COPE: variants seen among roughly 807,000 people sequenced by gnomAD.
COPE encodes coat protein complex I subunit epsilon, also known as coatomer subunit epsilon.
In COPE, 19 loss-of-function variants were observed where a neutral mutation model predicts 42.1. That is an observed-to-expected ratio of 0.45 (90% CI 0.31 to 0.66). COPE has a LOEUF of 0.66. Among genes scored for constraint, COPE ranks in the 30% least tolerant of loss-of-function variants. The pLI is 0.05. For synonymous variants in COPE, 195 were observed against 181.3 expected, an observed-to-expected ratio of 1.08 and a Z score of -0.60; for missense variants, 402 against 416.1, an observed-to-expected ratio of 0.97 and a Z score of 0.30.
rs372937699 is a variant in COPE at position 18,911,061 on chromosome 19, C to T, written c.200G>A (p.Gly67Asp). 3 of 1,613,870 alleles carry T rather than the reference C, an allele frequency of 1.9e-6. No homozygotes were observed. Among genetic ancestry groups the T allele is most frequent in the Non-Finnish European group, 2.5e-6 (3 of 1,180,002 alleles). ...GGGCTTGATCTCATCCAGGACCACA[C>T]CGAACTTCCTCTGCAGTAGGGACGA... ...YRAYLAQRKF[G>D]VVLDEIKPSS... The change falls in exon 3 of 10, where the codon GGT (glycine) becomes GAT (aspartate). Residue 67 changes from glycine (G) to aspartate (D), a missense_variant. Transcript: ENST00000262812.
At chr19:18,911,213 T>G in intron 2 of COPE, 142 bp from the exon 3 acceptor site, 5 of 690,496 alleles carry the variant, frequency 7.2e-6, no homozygotes, top group Non-Finnish European at 1.0e-5. Context: ...TCCACTGCAG[T>G]ACACTGTGGA....
intron 7 of COPE, 78 bp from the exon 8 acceptor site, chr19:18,900,527 C>A: frequency 1.8e-6 from 2 of 1,134,160 alleles, no homozygotes; most frequent in South Asian, 1.4e-5. Context: ...CCACCTCAGG[C>A]AGCACCACAC....
At chr19:18,908,991 G>A (rs73003090) in intron 3 of COPE, among the ~76,000 whole-genome samples, 12,625 of 152,176 alleles carry the variant, frequency 0.083, 725 homozygotes, top group Non-Finnish European at 0.13. Context: ...GAGCAAGACC[G>A]TATCTCAAGA....
chr19:18,905,409 C>A (rs2056748878), intron 5 of COPE, among the ~76,000 whole-genome samples, 167 bp downstream of exon 5: 1 of 152,136 alleles, frequency 6.6e-6, no homozygotes, highest in Admixed American at 6.5e-5. Flanking sequence ...GCCCTCCTCC[C>A]TGGCAACATA....
At chr19:18,900,791 G>A (rs1475631389) in intron 7 of COPE, among the ~76,000 whole-genome samples, 1 of 152,184 alleles carries the variant, frequency 6.6e-6, no homozygotes, top group African/African-American at 2.4e-5. Context: ...CCGAGGCCAT[G>A]GGCAGACCTG....
chr19:18,915,032 CCT>C (rs1343320876), intron 1 of COPE, among the ~76,000 whole-genome samples: 1 of 151,980 alleles, frequency 6.6e-6, no homozygotes, highest in Non-Finnish European at 1.5e-5. Flanking sequence ...GGTCTGAGAC[CCT>C]GTGTCCATAA....
Position 18,919,135 on chromosome 19 carries a change from G to GT in COPE, c.126+87dup, listed in dbSNP as rs574563623. ...AAAAAACGCGAGAAGAAAAGAGAAAGTTTTTAGACGCAGAACGCGGCTCGC... is the reference window on the plus strand; with the variant it reads ...AAAAAACGCGAGAAGAAAAGAGAAAGTTTTTTAGACGCAGAACGCGGCTCGC... On this transcript the variant is annotated intron_variant, in intron 1 of 9. Transcript: ENST00000262812. 38 of 1,453,936 alleles carry GT rather than the reference G, an allele frequency of 2.6e-5. No individual in the cohort carries two copies. The South Asian group carries it at 4.4e-4, about 17-fold the overall frequency. 90.1% of individuals were successfully genotyped at this position (1,453,936 alleles called of 1,614,324 possible).
At chr19:18,910,336 T>C (rs1429374600) in intron 3 of COPE, among the ~76,000 whole-genome samples, 1 of 152,030 alleles carries the variant, frequency 6.6e-6, no homozygotes, top group Non-Finnish European at 1.5e-5. Flanking sequence ...AGAAAACTGA[T>C]AGGATTTGGG....
intron 4 of COPE, among the ~76,000 whole-genome samples, chr19:18,906,412 G>A (rs1035284599): frequency 6.6e-6 from 1 of 152,252 alleles, no homozygotes; most frequent in African/African-American, 2.4e-5. Flanking sequence ...GATCCACAGC[G>A]ACCATGAAAT....
chr19:18,899,901 T>C lies in COPE; in HGVS notation c.851A>G (p.His284Arg). The C allele has an allele frequency of 6.2e-7, 1 of 1,613,556 alleles. No individual in the cohort carries two copies. The highest frequency in any genetic ancestry group is 8.5e-7 in the Non-Finnish European group (1 of 1,179,792). ...GGCCTGGTACTCCTTGATGAAGGGA[T>C]GGGACCTGTGGGCATCCTTCAGCTG... ...LSQLKDAHRS[H>R]PFIKEYQAKE... The change falls in exon 9 of 10, where the codon CAT becomes CGT. Residue 284 changes from histidine (H) to arginine (R), a missense_variant. His to Arg is a conservative substitution (Grantham distance 29, BLOSUM62 0). Transcript: ENST00000262812.
Position 18,899,732 on chromosome 19 carries a change from G to T in COPE, c.880-6C>A. On this transcript the variant is annotated splice_polypyrimidine_tract_variant and splice_region_variant and intron_variant, in intron 9 of 9. Coordinates refer to ENST00000262812, the MANE Select transcript of COPE (RefSeq NM_007263.4). ...AGCCTGTCAAAGTCGTTCTCCTTTA[G>T]CAAGACACATGGCAACACAGGGTGG... The T allele has an allele frequency of 6.2e-7, 1 of 1,613,778 alleles. No homozygotes were observed. The highest frequency in any genetic ancestry group is 8.5e-7 in the Non-Finnish European group (1 of 1,179,978).
chr19:18,911,840 C>T (rs922719120), intron 2 of COPE, among the ~76,000 whole-genome samples: 191 of 151,406 alleles, frequency 1.3e-3, no homozygotes, highest in Non-Finnish European at 1.9e-3. Flanking sequence ...GTGTGAGCCA[C>T]CACGCCCGGC....
intron 3 of COPE, among the ~76,000 whole-genome samples, chr19:18,909,837 C>T (rs1263926562): frequency 1.3e-5 from 2 of 152,132 alleles, no homozygotes; most frequent in Non-Finnish European, 2.9e-5. Context: ...TAAAAGGACA[C>T]AAGTCCTTGG....
At chr19:18,900,275 T>C in intron 8 of COPE, 106 bp downstream of exon 8, 2 of 923,162 alleles carry the variant, frequency 2.2e-6, no homozygotes, top group Non-Finnish European at 3.3e-6. Flanking sequence ...GTAGGCATAC[T>C]GTATACAGAG....
At chr19:18,917,295 C>T (rs922506073) in intron 1 of COPE, among the ~76,000 whole-genome samples, 3 of 143,646 alleles carry the variant, frequency 2.1e-5, no homozygotes, top group African/African-American at 7.6e-5. Context: ...AGTAAGAGCA[C>T]CAACATCTCA....
In COPE at chr19:18,903,205, G is replaced by A; in HGVS notation, c.735+63C>T. 5 of 1,480,348 alleles carry A rather than the reference G, an allele frequency of 3.4e-6. No homozygotes were observed. In the South Asian group the frequency reaches 6.9e-5, roughly 20 times the overall value. 91.7% of individuals were successfully genotyped at this position (1,480,348 alleles called of 1,614,324 possible). On this transcript the variant is annotated intron_variant, in intron 7 of 9. Coordinates refer to ENST00000262812, the MANE Select transcript of COPE (RefSeq NM_007263.4). The stretch of plus-strand genomic sequence containing the variant: ...TGCTACACTTGTTTCTGTCCGCCCT[G>A]ACCCCACCCTCTGGCCGCCTGGCCT...
chr19:18,909,296 G>A (rs547594473), intron 3 of COPE, among the ~76,000 whole-genome samples: 25 of 152,324 alleles, frequency 1.6e-4, no homozygotes, highest in African/African-American at 5.1e-4. Flanking sequence ...ACCACAGCCC[G>A]GGCAGTTAAG....
intron 6 of COPE, among the ~76,000 whole-genome samples, 161 bp from the exon 7 acceptor site, chr19:18,903,584 T>C (rs2056730090): frequency 6.6e-6 from 1 of 152,170 alleles, no homozygotes; most frequent in African/African-American, 2.4e-5. Context: ...ACCCGTAACT[T>C]GTACTCTGCT....
Position 18,907,274 on chromosome 19 carries a change from C to T in COPE, c.291-162G>A, listed in dbSNP as rs1176448861. The stretch of plus-strand genomic sequence containing the variant: ...ATCGAGCTGTCCCGACATGTCCTCC[C>T]TCCGTTCCTATGAAGCACCTCTCAT... On this transcript the variant is annotated intron_variant, in intron 3 of 9. Coordinates refer to ENST00000262812, the MANE Select transcript of COPE (RefSeq NM_007263.4). Among the ~76,000 whole-genome samples the T allele has an allele frequency of 2.6e-5, 4 of 152,138 alleles. No individual in the cohort carries two copies. The East Asian group carries it at 7.7e-4, about 29-fold the overall frequency.
Sources: allele counts gnomAD v4.1 joint callset (sites outside exome capture counted in the v4.1 genomes callset), GRCh38; gene constraint gnomAD v4.1.1; transcripts MANE v1.5; gene names NCBI Gene and HGNC (gene_info 2026-07-23, HGNC 2026-07-21).